Variants in ZFP42 observed in about 807,000 individuals in gnomAD.
The protein encoded by ZFP42 is zinc finger protein 42 homolog.
For synonymous variants in ZFP42, 175 were observed against 144.6 expected (o/e 1.21, Z -1.51); for missense variants, 438 against 377.1 (o/e 1.16, Z -1.34).
intron 3 of ZFP42, among the ~76,000 whole-genome samples, chr4:188,000,534 C>A (rs1197492778): frequency 6.6e-6 from 1 of 152,160 alleles, no homozygotes; most frequent in Non-Finnish European, 1.5e-5. Flanking sequence ...GCCACCACAT[C>A]CAGTTAATTT....
At position 188,004,309 on chromosome 4, in the gene ZFP42, T is replaced by C. The variant is rs1371275193; in HGVS notation, c.*569T>C. The C allele has an allele frequency of 1.3e-5, 2 of 156,404 alleles. No individual in the cohort carries two copies. The highest frequency in any genetic ancestry group is 2.9e-5 in the Non-Finnish European group (2 of 68,042). 9.7% of individuals were successfully genotyped at this position (156,404 alleles called of 1,614,324 possible). On this transcript the variant is annotated 3_prime_UTR_variant, in exon 4 of 4. Coordinates refer to ENST00000326866, the MANE Select transcript of ZFP42 (RefSeq NM_174900.5). ...CTACAAAAAAATTTGTTTTTATTTG[T>C]ATTTATATATTTTTATTTTTGTTTT...
chr4:188,000,787 G>A (rs1436259238), intron 3 of ZFP42, among the ~76,000 whole-genome samples: 2 of 152,126 alleles, frequency 1.3e-5, no homozygotes, highest in Non-Finnish European at 2.9e-5. Context: ...TTCGAGACCA[G>A]CCTGGCCAAC....
In ZFP42 at chr4:187,998,940, AT is replaced by A. The variant is rs758024325; in HGVS notation, c.-338-167del. Among the ~76,000 whole-genome samples, 14 of 152,366 alleles carry A rather than the reference AT, an allele frequency of 9.2e-5. No homozygotes were observed. In the East Asian group the frequency reaches 2.7e-3, roughly 29 times the overall value. ...TAATAAATTACCATTTCAATGTTAT[AT>A]GTCATCCTCACAAGCTTGTATACTG... On this transcript the variant is annotated intron_variant, in intron 1 of 3. Transcript: ENST00000326866.
intron 1 of ZFP42, among the ~76,000 whole-genome samples, chr4:187,998,410 A>G (rs1159864493): frequency 6.6e-6 from 1 of 152,184 alleles, no homozygotes; most frequent in African/African-American, 2.4e-5. Context: ...TTCAGGAAAG[A>G]CAAATTTTTA....
rs549981602 is a variant in ZFP42, at chr4:188,003,794, C to T, written c.*54C>T. The T allele has an allele frequency of 2.1e-5, 32 of 1,489,918 alleles. No individual in the cohort carries two copies. In the African/African-American group the frequency reaches 4.2e-4, roughly 20 times the overall value. 92.3% of individuals were successfully genotyped at this position (1,489,918 alleles called of 1,614,324 possible). A position where few individuals can be genotyped will look rare whatever the true frequency, so the allele number is the denominator to read the frequency against. On this transcript the variant is annotated 3_prime_UTR_variant, in exon 4 of 4. Transcript: ENST00000326866. ...GAAGAGTGATCAGTGACAAACATGC[C>T]TCATTGATTATTGTTTCTAGGAAGG... is the stretch of plus-strand genomic sequence containing the variant.
At chr4:187,997,776 A>T (rs1733658952) in intron 1 of ZFP42, among the ~76,000 whole-genome samples, 1 of 152,074 alleles carries the variant, frequency 6.6e-6, no homozygotes, top group Non-Finnish European at 1.5e-5. Context: ...GAGCAACCCC[A>T]CGTACTATGG....
intron 1 of ZFP42, among the ~76,000 whole-genome samples, 174 bp from the exon 2 acceptor site, chr4:187,998,934 T>C (rs1733709710): frequency 6.6e-6 from 1 of 152,248 alleles, no homozygotes; most frequent in African/African-American, 2.4e-5. Context: ...ACCATTTCAA[T>C]GTTATATGTC....
intron 1 of ZFP42, among the ~76,000 whole-genome samples, 191 bp from the exon 2 acceptor site, chr4:187,998,914 TTAA>T (rs1733708278): frequency 6.6e-6 from 1 of 152,200 alleles, no homozygotes; most frequent in Non-Finnish European, 1.5e-5. Context: ...TTTTAGTAAA[TTAA>T]TAAATTACCA....
At position 188,000,322 on chromosome 4, in the gene ZFP42, G is replaced by C. The variant is rs971817541; in HGVS notation, c.-96+637G>C. ...TAATCCTAGTAATTACCCTCCAAAG[G>C]TGCTAATATTGTGCTTCATAAATAT... On this transcript the variant is annotated intron_variant, in intron 3 of 3. Coordinates refer to ENST00000326866, the MANE Select transcript of ZFP42 (RefSeq NM_174900.5). Among the ~76,000 whole-genome samples, 9 of 152,170 alleles carry C rather than the reference G, an allele frequency of 5.9e-5. No individual in the cohort carries two copies. The East Asian group carries it at 1.7e-3, about 29-fold the overall frequency.
At chr4:187,998,257 AC>A (rs1366833324) in intron 1 of ZFP42, among the ~76,000 whole-genome samples, 1 of 150,846 alleles carries the variant, frequency 6.6e-6, no homozygotes, top group African/African-American at 2.5e-5. Flanking sequence ...AATCGGCTGA[AC>A]CTGGGAGGCG....
At chr4:188,000,970 T>C (rs1477391751) in intron 3 of ZFP42, among the ~76,000 whole-genome samples, 2 of 152,216 alleles carry the variant, frequency 1.3e-5, no homozygotes, top group South Asian at 2.1e-4. Context: ...TACTCCAGCC[T>C]GGGCAACAAG....
At chr4:187,996,830 C>T (rs747694958) in intron 1 of ZFP42, among the ~76,000 whole-genome samples, 1 of 152,110 alleles carries the variant, frequency 6.6e-6, no homozygotes, top group African/African-American at 2.4e-5. Flanking sequence ...CTGTCCGGCC[C>T]ATCTTCTAAC....
chr4:188,002,690 T>TC, intron 3 of ZFP42, 23 bp from the exon 4 acceptor site: 2 of 827,150 alleles, frequency 2.4e-6, no homozygotes. Context: ...CTATTTTAAC[T>TC]AAAGGTTATT....
At chr4:188,001,979 C>A (rs1733840089) in intron 3 of ZFP42, among the ~76,000 whole-genome samples, 1 of 152,076 alleles carries the variant, frequency 6.6e-6, no homozygotes, top group East Asian at 1.9e-4. Flanking sequence ...GAGCTCCAGA[C>A]CAGCCTGACC....
chr4:188,005,208 G>T (rs1286307344), downstream of ZFP42, among the ~76,000 whole-genome samples: 3 of 152,174 alleles, frequency 2.0e-5, no homozygotes, highest in African/African-American at 7.2e-5. Flanking sequence ...GGGATAAACT[G>T]TCACAGCCAG....
intron 3 of ZFP42, among the ~76,000 whole-genome samples, chr4:188,002,456 C>G (rs540857120): frequency 6.6e-6 from 1 of 152,222 alleles, no homozygotes; most frequent in Non-Finnish European, 1.5e-5. Context: ...ACTGTGTAGC[C>G]TAAAATAGAG....
rs375834769 is a variant in ZFP42, at chr4:188,003,023, C to A, written c.216C>A (p.Tyr72Ter). 3 of 1,614,152 alleles carry A rather than the reference C, an allele frequency of 1.9e-6. No homozygotes were observed. Among genetic ancestry groups the A allele is most frequent in the Non-Finnish European group, 2.5e-6 (3 of 1,180,036 alleles). The change falls in exon 4 of 4, where the codon TAC (tyrosine) becomes TAA (stop). Residue 72 changes from tyrosine (Y) to a stop codon, truncating the protein, a stop_gained. Transcript: ENST00000326866. LOFTEE classifies it low-confidence loss of function (END_TRUNC). ...GAGGGGATGATTTCTCAGACTGTTACATAGAATGCGTCATAAGGGGTGAGT... is the reference window on the plus strand; with the variant it reads ...GAGGGGATGATTTCTCAGACTGTTAAATAGAATGCGTCATAAGGGGTGAGT... ...ALGGDDFSDC[Y>*]IECVIRGEFS...
In ZFP42 at chr4:188,002,846, C is replaced by A. The variant is rs1246097948; in HGVS notation, c.39C>A (p.His13Gln). The A allele has an allele frequency of 6.2e-7, 1 of 1,614,152 alleles. No individual in the cohort carries two copies. The highest frequency in any genetic ancestry group is 1.1e-5 in the South Asian group (1 of 91,084). Reference protein sequence around the residue: ...QQLKKRAKTRHQKGLGGRAPS... With the variant: ...QQLKKRAKTRQQKGLGGRAPS... ...TGAAGAAACGGGCAAAGACAAGACA[C>A]CAGAAAGGCCTGGGTGGAAGAGCCC... The change falls in exon 4 of 4, where the codon CAC becomes CAA. Residue 13 changes from histidine (H) to glutamine (Q), a missense_variant. Transcript: ENST00000326866.
At chr4:187,998,289 T>G (rs1042913099) in intron 1 of ZFP42, among the ~76,000 whole-genome samples, 6 of 152,012 alleles carry the variant, frequency 3.9e-5, no homozygotes, top group African/African-American at 1.4e-4. Context: ...TGAGCGGAGA[T>G]CACGCTGTTG....
Sources: gnomAD v4.1 joint callset for allele counts (sites outside exome capture counted in the v4.1 genomes callset) on GRCh38, gnomAD v4.1.1 for gene constraint, MANE v1.5 for transcripts, NCBI Gene and HGNC (gene_info 2026-07-23, HGNC 2026-07-21) for gene names.